Variants in RIMBP2 observed in about 807,000 individuals in gnomAD.
RIMBP2 encodes the protein RIMS binding protein 2, also known as RIMS-binding protein 2.
A neutral mutation model predicts 118.6 loss-of-function variants in RIMBP2; 48 were observed. That is an observed-to-expected ratio of 0.40 (90% confidence interval 0.32 to 0.51). The LOEUF (loss-of-function observed/expected upper bound fraction) is 0.51, where lower values mean the gene tolerates loss of function less well. RIMBP2 is among the 20% of genes least tolerant of loss of function. The pLI is 0.41. For missense variants in RIMBP2, 1,551 were observed against 1,768.3 expected, an observed-to-expected ratio of 0.88 and a Z score of 2.20; for synonymous variants, 762 against 742.9, an observed-to-expected ratio of 1.03 and a Z score of -0.42.
intron 16 of RIMBP2, among the ~76,000 whole-genome samples, chr12:130,423,708 G>A (rs1342852447): frequency 8.7e-6 from 1 of 115,250 alleles, no homozygotes; most frequent in African/African-American, 3.4e-5. Context: ...TTTTTTTTTG[G>A]TTATAAATGT....
intron 2 of RIMBP2, among the ~76,000 whole-genome samples, chr12:130,556,419 T>C (rs1443379064): frequency 6.6e-6 from 1 of 152,232 alleles, no homozygotes; most frequent in Non-Finnish European, 1.5e-5. Flanking sequence ...ACTCGGGAAG[T>C]GGTACCAATC....
chr12:130,569,778 C>T (rs986916359), intron 2 of RIMBP2, among the ~76,000 whole-genome samples: 9 of 152,200 alleles, frequency 5.9e-5, no homozygotes, highest in Admixed American at 4.6e-4. Flanking sequence ...CCCAGCCATG[C>T]TTCCTGTACA....
At chr12:130,453,680 G>A (rs1247322646) in intron 7 of RIMBP2, among the ~76,000 whole-genome samples, 3 of 152,200 alleles carry the variant, frequency 2.0e-5, no homozygotes, top group South Asian at 4.1e-4. Flanking sequence ...TCCAGGGGCC[G>A]GGCCGGGGGC....
At chr12:130,402,939 T>C (rs1239705385) in intron 21 of RIMBP2, among the ~76,000 whole-genome samples, 1 of 152,146 alleles carries the variant, frequency 6.6e-6, no homozygotes, top group Non-Finnish European at 1.5e-5. Context: ...GTTAGAAGTC[T>C]TCAGTGACTT....
rs1450668361 is a variant in RIMBP2 at position 130,621,905 on chromosome 12, C to T, written c.-217+6417G>A. Reference sequence around the variant, plus strand: ...CATCACACACACTTCCCGACAGGCCCAGGACAGCACTAATGACTCGTTTGA... The same window carrying T: ...CATCACACACACTTCCCGACAGGCCTAGGACAGCACTAATGACTCGTTTGA... On this transcript the variant is annotated intron_variant, in intron 2 of 22. Coordinates refer to ENST00000690449, the MANE Select transcript of RIMBP2 (RefSeq NM_001393629.1). This position sits in a 1 kb window ranked among gnomAD's most constrained non-coding sequence, Gnocchi z 6.6. 6.6e-6 allele frequency among the ~76,000 whole-genome samples: 1 copy of T among 152,214 alleles called. No homozygotes were observed. The highest frequency in any genetic ancestry group is 1.5e-5 in the Non-Finnish European group (1 of 68,044).
chr12:130,570,579 C>T (rs2057555335), intron 2 of RIMBP2, among the ~76,000 whole-genome samples: 3 of 152,176 alleles, frequency 2.0e-5, no homozygotes. Flanking sequence ...CAGACCTTGG[C>T]TAGACTGCCT....
In RIMBP2 at chr12:130,652,913, T is replaced by C. The variant is rs1273038091; in HGVS notation, c.-351-24457A>G. Reference sequence around the variant, plus strand: ...TCACGTGAACTAACCAAGTGAGGACTCACAATGGTGCTAAGCCGTTGATGA... The same window carrying C: ...TCACGTGAACTAACCAAGTGAGGACCCACAATGGTGCTAAGCCGTTGATGA... On this transcript the variant is annotated intron_variant, in intron 1 of 22. Transcript: ENST00000690449. 2.0e-5 allele frequency among the ~76,000 whole-genome samples: 3 copies of C among 152,162 alleles called. No homozygotes were observed. The East Asian group carries it at 5.8e-4, about 29-fold the overall frequency.
At chr12:130,635,379 T>C (rs1244824874) in intron 1 of RIMBP2, among the ~76,000 whole-genome samples, 3 of 152,206 alleles carry the variant, frequency 2.0e-5, no homozygotes, top group African/African-American at 4.8e-5. Flanking sequence ...GCCAAATGAA[T>C]GAAGTCTTCA....
At chr12:130,652,856 G>A (rs2063284968) in intron 1 of RIMBP2, among the ~76,000 whole-genome samples, 1 of 152,110 alleles carries the variant, frequency 6.6e-6, no homozygotes, top group Admixed American at 6.6e-5. Flanking sequence ...GAGAGCAAGG[G>A]GAGAAGTGCC....
chr12:130,436,087 G>A (rs966021451), intron 13 of RIMBP2, among the ~76,000 whole-genome samples: 2 of 152,248 alleles, frequency 1.3e-5, no homozygotes, highest in Non-Finnish European at 2.9e-5. Context: ...CAGGAGAGAT[G>A]AGAGCGGGTT....
intron 1 of RIMBP2, among the ~76,000 whole-genome samples, chr12:130,676,324 A>G (rs1345127717): frequency 1.6e-4 from 25 of 151,730 alleles, no homozygotes; most frequent in African/African-American, 5.3e-4. Context: ...TGGATTAAAA[A>G]AAAAAAAAAA....
Position 130,422,799 on chromosome 12 carries a change from G to C in RIMBP2, c.3130-238C>G, listed in dbSNP as rs2292671. On this transcript the variant is annotated intron_variant, in intron 16 of 22. Coordinates refer to ENST00000690449, the MANE Select transcript of RIMBP2 (RefSeq NM_001393629.1). This position sits in a 1 kb window ranked among gnomAD's most constrained non-coding sequence, Gnocchi z 5.2. ...GGTGAGGGCAAAAATAATTCCTTGT[G>C]GGGGGGTCTCTTTTGGTTGCTGCTG... Among the ~76,000 whole-genome samples, 29,500 of 152,020 alleles carry C rather than the reference G, an allele frequency of 0.19. 3,612 individuals carry two copies. Among genetic ancestry groups the C allele is most frequent in the Middle Eastern group, 0.35 (103 of 294 alleles).
At chr12:130,712,528 C>T (rs1949995882) in intron 1 of RIMBP2, among the ~76,000 whole-genome samples, 1 of 152,280 alleles carries the variant, frequency 6.6e-6, no homozygotes, top group African/African-American at 2.4e-5. Flanking sequence ...GGGAGGTCTC[C>T]AGGGGAATAA....
intron 2 of RIMBP2, among the ~76,000 whole-genome samples, chr12:130,536,670 C>A (rs1184525895): frequency 6.6e-6 from 1 of 152,184 alleles, no homozygotes. Context: ...CCAGCCATGT[C>A]TGGCTATTTA....
chr12:130,657,677 G>A (rs1483049622), intron 1 of RIMBP2: 1 of 101,002 alleles, frequency 9.9e-6, no homozygotes, highest in East Asian at 2.8e-4. Flanking sequence ...GGGCAGTGAG[G>A]GCGGAGGATG....
rs1256105558 is a variant in RIMBP2, at chr12:130,431,377, C to A, written c.2254-3040G>T. 3 of 363,928 alleles carry A rather than the reference C, an allele frequency of 8.2e-6. No homozygotes were observed. The highest frequency in any genetic ancestry group is 1.7e-5 in the Non-Finnish European group (3 of 173,674). The allele number at this position is 363,928 out of a possible 1,614,324, so 22.5% of individuals were successfully genotyped here. A position where few individuals can be genotyped will look rare whatever the true frequency, so the allele number is the denominator to read the frequency against. On this transcript the variant is annotated intron_variant, in intron 14 of 22. Transcript: ENST00000690449. This position sits in a 1 kb window ranked among gnomAD's most constrained non-coding sequence, Gnocchi z 4.0. ...AACACTTCCCGGGTTGTAAAACTGG[C>A]AGTCTGTGCACCAGCTCAACTTCAG...
chr12:130,713,680 C>T (rs367987604), intron 1 of RIMBP2, among the ~76,000 whole-genome samples: 1 of 152,188 alleles, frequency 6.6e-6, no homozygotes, highest in Non-Finnish European at 1.5e-5. Flanking sequence ...AACACTGAGA[C>T]GTTCAGCCGG....
chr12:130,664,483 A>T (rs978872302), intron 1 of RIMBP2, among the ~76,000 whole-genome samples: 5 of 150,586 alleles, frequency 3.3e-5, no homozygotes, highest in African/African-American at 9.8e-5. Flanking sequence ...ACGCACACGC[A>T]TCACACACTC....
At position 130,623,695 on chromosome 12, in the gene RIMBP2, G is replaced by C. The variant is rs1307832625; in HGVS notation, c.-217+4627C>G. ...ACCAACACCTGCATTTCTGTGCCTG[G>C]GGGCTCCATCTAGCTGAGACCCAAG... On this transcript the variant is annotated intron_variant, in intron 2 of 22. Coordinates refer to ENST00000690449, the MANE Select transcript of RIMBP2 (RefSeq NM_001393629.1). The surrounding 1 kb of genome is among the most constrained non-coding windows in gnomAD (Gnocchi z 4.1). Among the ~76,000 whole-genome samples the C allele has an allele frequency of 1.3e-5, 2 of 152,108 alleles. No homozygotes were observed. The highest frequency in any genetic ancestry group is 4.8e-5 in the African/African-American group (2 of 41,418).
Sources: allele counts gnomAD v4.1 joint callset (sites outside exome capture counted in the v4.1 genomes callset), GRCh38; gene constraint gnomAD v4.1.1; non-coding constraint Gnocchi (gnomAD v3.1); transcripts MANE v1.5; gene names NCBI Gene and HGNC (gene_info 2026-07-23, HGNC 2026-07-21).